Variants in PDCD1LG2 observed in about 807,000 individuals in gnomAD.
PDCD1LG2 encodes programmed cell death 1 ligand 2.
PDCD1LG2 carries 32 observed loss-of-function variants against 28.2 expected under a neutral mutation model. The observed-to-expected ratio is 1.13, with a 90% confidence interval of 0.86 to 1.52. The LOEUF is 1.52. Ranked by LOEUF, PDCD1LG2 falls within the 40% of genes most tolerant of loss-of-function variation. The pLI, the probability that PDCD1LG2 is intolerant of heterozygous loss-of-function variation, is 0.00. For missense variants in PDCD1LG2, 385 were observed against 323.8 expected, an observed-to-expected ratio of 1.19 and a Z score of -1.45; for synonymous variants, 116 against 120.2, an observed-to-expected ratio of 0.97 and a Z score of 0.23.
At chr9:5,522,685 C>G (rs1586794171) in intron 2 of PDCD1LG2, 84 bp downstream of exon 2, 1 of 1,232,362 alleles carries the variant, frequency 8.1e-7, no homozygotes, top group East Asian at 2.4e-5. Flanking sequence ...ATGTGGCCCT[C>G]AGGCTGAGGG....
chr9:5,518,941 T>C (rs1372529678), intron 1 of PDCD1LG2, among the ~76,000 whole-genome samples: 1 of 152,184 alleles, frequency 6.6e-6, no homozygotes, highest in African/African-American at 2.4e-5. Context: ...ATATAGGTTT[T>C]ATTATTATTT....
chr9:5,560,002 G>C (rs1451481123), intron 5 of PDCD1LG2, among the ~76,000 whole-genome samples: 2 of 152,134 alleles, frequency 1.3e-5, no homozygotes, highest in Non-Finnish European at 2.9e-5. Context: ...CTGAGTTGGA[G>C]TCATCTTTTA....
intron 6 of PDCD1LG2, among the ~76,000 whole-genome samples, chr9:5,565,190 A>G (rs1023244414): frequency 1.3e-5 from 2 of 151,066 alleles, no homozygotes; most frequent in Admixed American, 6.6e-5. Context: ...ATTTAATTCA[A>G]TTTTTTTTTA....
intron 4 of PDCD1LG2, among the ~76,000 whole-genome samples, chr9:5,556,961 T>C (rs1563832752): frequency 1.3e-5 from 2 of 152,190 alleles, no homozygotes; most frequent in Non-Finnish European, 2.9e-5. Context: ...TGCTAGGACG[T>C]TGAAAAACCG....
At chr9:5,565,623 G>A (rs1816652013) in intron 6 of PDCD1LG2, among the ~76,000 whole-genome samples, 1 of 152,282 alleles carries the variant, frequency 6.6e-6, no homozygotes, top group East Asian at 1.9e-4. Flanking sequence ...CTGCTTCTAT[G>A]TGTCTATATT....
intron 2 of PDCD1LG2, among the ~76,000 whole-genome samples, chr9:5,531,631 T>C (rs936552983): frequency 2.0e-5 from 3 of 152,202 alleles, no homozygotes. Context: ...GGAGTTCTGC[T>C]GTAAGCTAAG....
intron 1 of PDCD1LG2, among the ~76,000 whole-genome samples, chr9:5,515,651 A>G (rs930996052): frequency 2.0e-5 from 3 of 152,128 alleles, no homozygotes; most frequent in African/African-American, 7.2e-5. Context: ...CAAGCCAGGC[A>G]CAGTGGCTCA....
intron 3 of PDCD1LG2, among the ~76,000 whole-genome samples, chr9:5,545,632 AAAC>A (rs1262287846): frequency 2.6e-5 from 4 of 152,258 alleles, no homozygotes; most frequent in Non-Finnish European, 4.4e-5. Context: ...TCAAAATATT[AAAC>A]AACAATTGGC....
chr9:5,533,160 T>C (rs1331249726), intron 2 of PDCD1LG2, among the ~76,000 whole-genome samples: 1 of 152,364 alleles, frequency 6.6e-6, no homozygotes, highest in African/African-American at 2.4e-5. Flanking sequence ...TGAAGCAAGC[T>C]CTACTGAACA....
intron 1 of PDCD1LG2, among the ~76,000 whole-genome samples, chr9:5,518,988 C>T (rs753342574): frequency 2.0e-5 from 3 of 151,990 alleles, no homozygotes; most frequent in African/African-American, 7.3e-5. Context: ...AAATGACTGT[C>T]GTTGAAAAAA....
chr9:5,528,551 C>T (rs1039721203), intron 2 of PDCD1LG2, among the ~76,000 whole-genome samples: 7 of 151,544 alleles, frequency 4.6e-5, no homozygotes, highest in African/African-American at 9.7e-5. Context: ...GCCATCTTCT[C>T]GCCTCAGCCT....
At chr9:5,543,311 G>T (rs1169657121) in intron 3 of PDCD1LG2, among the ~76,000 whole-genome samples, 3 of 152,212 alleles carry the variant, frequency 2.0e-5, no homozygotes, top group African/African-American at 7.2e-5. Context: ...AGGCCGAGGT[G>T]GGCAGATCAC....
chr9:5,522,647 T>C lies in PDCD1LG2; in HGVS notation c.55+46T>C, dbSNP rs56112487. On this transcript the variant is annotated intron_variant, in intron 2 of 6. Transcript: ENST00000397747. The stretch of plus-strand genomic sequence containing the variant: ...AGGCTTAAGAAAGAAGAGCAGGTGG[T>C]GGTTCCTAGCCAAAGCCAAAAATGA... The C allele has an allele frequency of 5.8e-4, 920 of 1,591,836 alleles. 1 individual carries two copies. Among genetic ancestry groups the C allele is most frequent in the Middle Eastern group, 2.5e-3 (15 of 6,014 alleles).
chr9:5,538,697 A>T (rs1820632297), intron 3 of PDCD1LG2, among the ~76,000 whole-genome samples: 1 of 148,894 alleles, frequency 6.7e-6, no homozygotes, highest in Non-Finnish European at 1.5e-5. Context: ...CAAAAAAAGA[A>T]AAAAAAAAAA....
intron 3 of PDCD1LG2, among the ~76,000 whole-genome samples, chr9:5,538,635 C>T (rs1353240234): frequency 6.6e-6 from 1 of 151,730 alleles, no homozygotes; most frequent in Non-Finnish European, 1.5e-5. Flanking sequence ...TTGTAGTGAG[C>T]CGAGATCGCT....
At chr9:5,542,080 G>A (rs144947345) in intron 3 of PDCD1LG2, among the ~76,000 whole-genome samples, 1 of 152,112 alleles carries the variant, frequency 6.6e-6, no homozygotes, top group African/African-American at 2.4e-5. Context: ...CATAAAGTGG[G>A]GAAAGTACAT....
chr9:5,514,444 T>G (rs1820117601), intron 1 of PDCD1LG2, among the ~76,000 whole-genome samples: 1 of 152,014 alleles, frequency 6.6e-6, no homozygotes, highest in African/African-American at 2.4e-5. Flanking sequence ...CTGATCCTCT[T>G]GCAAATTTTG....
chr9:5,518,169 G>C lies in PDCD1LG2; in HGVS notation c.-14-4364G>C, dbSNP rs142549973. On this transcript the variant is annotated intron_variant, in intron 1 of 6. Transcript: ENST00000397747. Reference sequence around the variant, plus strand: ...TTTTCAAAATTTGTCCAAGGTGTTAGAGGCTTACAATTTGTAAAACCAGGA... The same window carrying C: ...TTTTCAAAATTTGTCCAAGGTGTTACAGGCTTACAATTTGTAAAACCAGGA... Among the ~76,000 whole-genome samples the C allele has an allele frequency of 4.9e-3, 743 of 152,362 alleles. 15 individuals carry two copies. The East Asian group carries it at 0.05, about 10-fold the overall frequency.
intron 4 of PDCD1LG2, among the ~76,000 whole-genome samples, chr9:5,551,265 C>T (rs543624743): frequency 1.3e-5 from 2 of 152,176 alleles, no homozygotes; most frequent in African/African-American, 2.4e-5. Context: ...TTCAATCTGG[C>T]TTTATAGAAA....
Sources: allele counts gnomAD v4.1 joint callset (sites outside exome capture counted in the v4.1 genomes callset), GRCh38; gene constraint gnomAD v4.1.1; transcripts MANE v1.5; gene names NCBI Gene and HGNC (gene_info 2026-07-23, HGNC 2026-07-21).